Variants in PIWIL3 observed in about 807,000 individuals in gnomAD.
PIWIL3 encodes the protein piwi-like protein 3.
A neutral mutation model predicts 109.7 loss-of-function variants in PIWIL3; 101 were observed. The ratio of observed to expected loss-of-function variants is 0.92; its 90% CI spans 0.78 to 1.09. PIWIL3 has a LOEUF of 1.09. Ranked by LOEUF, PIWIL3 falls within the 50% of genes least tolerant of loss-of-function variation. The probability of loss-of-function intolerance (pLI) is 0.00; values close to 1 mark genes in which losing one functional copy is unlikely to be tolerated. For missense variants in PIWIL3, 1,031 were observed against 1,072.6 expected (o/e 0.96, Z 0.54); for synonymous variants, 373 against 376.4 (o/e 0.99, Z 0.10).
At position 24,725,479 on chromosome 22, in the gene PIWIL3, T is replaced by TTC. The variant is rs1922937091; in HGVS notation, c.2044_2045dup (p.Glu683LysfsTer4). 1 of 1,613,726 alleles carries TTC rather than the reference T, an allele frequency of 6.2e-7. No individual in the cohort carries two copies. The highest frequency in any genetic ancestry group is 1.3e-5 in the African/African-American group (1 of 74,950). Reference sequence around the variant, plus strand: ...AGATCTCCAGCTCTTTCACAAGCTCTTCTCCTGTTTTCTGGATGACACATT... The same window carrying TTC: ...AGATCTCCAGCTCTTTCACAAGCTCTTCTCTCCTGTTTTCTGGATGACACATT... On this transcript the variant is annotated frameshift_variant, in exon 17 of 21. Transcript: ENST00000616349. LOFTEE classifies it high-confidence loss of function.
At chr22:24,753,156 G>A (rs941334053) in intron 8 of PIWIL3, among the ~76,000 whole-genome samples, 1 of 152,204 alleles carries the variant, frequency 6.6e-6, no homozygotes, top group African/African-American at 2.4e-5. Context: ...ATTTGGTGAA[G>A]CCCAATGTAT....
chr22:24,754,725 T>C, intron 7 of PIWIL3, 59 bp downstream of exon 7: 2 of 1,377,800 alleles, frequency 1.5e-6, no homozygotes, highest in Non-Finnish European at 1.0e-6. Flanking sequence ...ATGAATAACT[T>C]TCTCAAAAAA....
At chr22:24,767,987 T>C (rs936126522) in intron 1 of PIWIL3, among the ~76,000 whole-genome samples, 1 of 152,168 alleles carries the variant, frequency 6.6e-6, no homozygotes, top group African/African-American at 2.4e-5. Context: ...GAAAAATTCC[T>C]GTCCATCATT....
intron 12 of PIWIL3, among the ~76,000 whole-genome samples, chr22:24,742,914 A>C (rs1377853757): frequency 6.6e-6 from 1 of 152,214 alleles, no homozygotes; most frequent in East Asian, 1.9e-4. Flanking sequence ...TTAAACTAAA[A>C]AACTTATGCA....
At chr22:24,771,839 T>C (rs376915939) in intron 1 of PIWIL3, among the ~76,000 whole-genome samples, 1 of 152,090 alleles carries the variant, frequency 6.6e-6, no homozygotes, top group East Asian at 1.9e-4. Context: ...GTTCAAGCAA[T>C]TCTCCTTCCT....
At chr22:24,758,746 G>A (rs1260885509) in intron 3 of PIWIL3, among the ~76,000 whole-genome samples, 1 of 152,102 alleles carries the variant, frequency 6.6e-6, no homozygotes, top group Non-Finnish European at 1.5e-5. Context: ...TTCTGTGACA[G>A]ACTAACTACA....
At chr22:24,729,516 C>T (rs560313714) in intron 14 of PIWIL3, among the ~76,000 whole-genome samples, 1 of 152,248 alleles carries the variant, frequency 6.6e-6, no homozygotes, top group East Asian at 1.9e-4. Context: ...ACTGAAACTG[C>T]CTGATTTTCC....
intron 19 of PIWIL3, among the ~76,000 whole-genome samples, chr22:24,722,072 C>A (rs934606475): frequency 6.6e-6 from 1 of 152,108 alleles, no homozygotes; most frequent in Non-Finnish European, 1.5e-5. Flanking sequence ...TCTTTTTTCA[C>A]ACTGCTGTTT....
Position 24,762,420 on chromosome 22 carries a change from G to A in PIWIL3, c.80C>T (p.Pro27Leu). The change falls in exon 2 of 21, where the codon CCC becomes CTC. Residue 27 changes from proline (P) to leucine (L), a missense_variant. Transcript: ENST00000616349. The stretch of plus-strand genomic sequence containing the variant: ...CACTGTAGCTGATCCAGGTGCTCTG[G>A]GTCCCCCAGGTGCCTCTTGTTGGTA... ...ESYQQEAPGGPRAPGSATTQE... is the reference protein window; with the variant it reads ...ESYQQEAPGGLRAPGSATTQE... 6.2e-7 allele frequency: 1 copy of A among 1,613,768 alleles called. No individual in the cohort carries two copies. Among genetic ancestry groups the A allele is most frequent in the East Asian group, 2.2e-5 (1 of 44,850 alleles).
In PIWIL3 at chr22:24,774,500, C is replaced by G. The variant is rs1926310962; in HGVS notation, c.-201G>C. Reference sequence around the variant, plus strand: ...CAGTCCCCCTGCCTCTTTTGCCTTCCAAATCCTCCCTTTAAAAACCGCTTT... The same window carrying G: ...CAGTCCCCCTGCCTCTTTTGCCTTCGAAATCCTCCCTTTAAAAACCGCTTT... On this transcript the variant is annotated 5_prime_UTR_variant, in exon 1 of 21. Coordinates refer to ENST00000616349, the MANE Select transcript of PIWIL3 (RefSeq NM_001255975.1). The G allele has an allele frequency of 6.6e-6, 1 of 152,474 alleles. No homozygotes were observed. The allele number at this position is 152,474 out of a possible 1,614,324, so 9.4% of individuals were successfully genotyped here.
chr22:24,770,031 A>G lies in PIWIL3; in HGVS notation c.-23+4291T>C, dbSNP rs1481850433. Among the ~76,000 whole-genome samples, 3 of 152,342 alleles carry G rather than the reference A, an allele frequency of 2.0e-5. No individual in the cohort carries two copies. In the East Asian group the frequency reaches 5.8e-4, roughly 29 times the overall value. ...TTGTATATGTTCAGTTGGTTGTTTG[A>G]ATCCACAGATGCAGAACCCATGGAT... On this transcript the variant is annotated intron_variant, in intron 1 of 20. Transcript: ENST00000616349.
At chr22:24,755,636 T>C (rs1319988517) in intron 6 of PIWIL3, 148 bp downstream of exon 6, 3 of 1,027,050 alleles carry the variant, frequency 2.9e-6, no homozygotes, top group Non-Finnish European at 4.2e-6. Flanking sequence ...GAGCCTCAAG[T>C]ATCATTTCAT....
intron 19 of PIWIL3, among the ~76,000 whole-genome samples, chr22:24,721,015 G>A (rs1457361293): frequency 1.3e-5 from 2 of 152,138 alleles, no homozygotes; most frequent in African/African-American, 4.8e-5. Flanking sequence ...CATCGTAACT[G>A]ATCAGCATTG....
intron 12 of PIWIL3, among the ~76,000 whole-genome samples, chr22:24,748,298 G>GGA (rs1924491416): frequency 6.6e-6 from 1 of 152,182 alleles, no homozygotes; most frequent in Non-Finnish European, 1.5e-5. Context: ...GGAGGTTGGA[G>GGA]GAGAATGTGG....
intron 3 of PIWIL3, 152 bp downstream of exon 3, chr22:24,759,717 T>C: frequency 8.6e-7 from 1 of 1,160,980 alleles, no homozygotes; most frequent in Non-Finnish European, 1.2e-6. Context: ...GATAATTCAC[T>C]GCACAAAGAG....
At chr22:24,764,447 G>A (rs896789410) in intron 1 of PIWIL3, among the ~76,000 whole-genome samples, 3 of 152,186 alleles carry the variant, frequency 2.0e-5, no homozygotes, top group African/African-American at 4.8e-5. Context: ...ACCGTCCTTG[G>A]ATTCAAACCT....
chr22:24,731,906 C>T (rs1187757898), intron 14 of PIWIL3, among the ~76,000 whole-genome samples: 3 of 152,150 alleles, frequency 2.0e-5, no homozygotes, highest in Non-Finnish European at 4.4e-5. Flanking sequence ...CTTTCATTTC[C>T]TCTATTTCTG....
intron 8 of PIWIL3, among the ~76,000 whole-genome samples, chr22:24,753,521 C>A (rs1924833967): frequency 6.6e-6 from 1 of 152,138 alleles, no homozygotes; most frequent in Admixed American, 6.5e-5. Flanking sequence ...TCTTGATTAC[C>A]AGAACTTTCT....
intron 18 of PIWIL3, 90 bp from the exon 19 acceptor site, chr22:24,723,345 A>G: frequency 7.5e-7 from 1 of 1,340,742 alleles, no homozygotes; most frequent in Middle Eastern, 2.6e-4. Flanking sequence ...TACATTTAGG[A>G]CCCATTAAGA....
Sources: gnomAD v4.1 joint callset for allele counts (sites outside exome capture counted in the v4.1 genomes callset) on GRCh38, gnomAD v4.1.1 for gene constraint, MANE v1.5 for transcripts, NCBI Gene and HGNC (gene_info 2026-07-23, HGNC 2026-07-21) for gene names.